The following PKNOX2 variants were observed in gnomAD, a reference collection of about 807,000 sequenced individuals.
PKNOX2 encodes PBX/knotted 1 homeobox 2, also known as homeobox protein PKNOX2.
In PKNOX2, 14 loss-of-function variants were observed where a neutral mutation model predicts 53.1. The ratio of observed to expected loss-of-function variants is 0.26; its 90% CI spans 0.17 to 0.41. The LOEUF is 0.41. PKNOX2 is among the 10% of genes least tolerant of loss of function. The pLI, the probability that PKNOX2 is intolerant of heterozygous loss-of-function variation, is 1.00. For missense variants in PKNOX2, 496 were observed against 602.8 expected (o/e 0.82, Z 1.85); for synonymous variants, 257 against 242.8 (o/e 1.06, Z -0.54).
intron 2 of PKNOX2, among the ~76,000 whole-genome samples, chr11:125,236,970 T>C (rs1942746318): frequency 6.6e-6 from 1 of 152,188 alleles, no homozygotes; most frequent in Non-Finnish European, 1.5e-5. Context: ...CTTAACATCA[T>C]TTATTCTTCA....
intron 10 of PKNOX2, among the ~76,000 whole-genome samples, chr11:125,421,004 G>A (rs1480727424): frequency 6.6e-6 from 1 of 152,088 alleles, no homozygotes; most frequent in African/African-American, 2.4e-5. Flanking sequence ...TTTTAGGACT[G>A]GCCAGGAAAA....
intron 7 of PKNOX2, among the ~76,000 whole-genome samples, chr11:125,406,166 G>C (rs1178179895): frequency 6.6e-6 from 1 of 152,234 alleles, no homozygotes; most frequent in Non-Finnish European, 1.5e-5. Context: ...AATACTGTGT[G>C]CTTAGCCAAC....
intron 3 of PKNOX2, 111 bp from the exon 4 acceptor site, chr11:125,351,173 C>G: frequency 1.4e-6 from 1 of 711,224 alleles, no homozygotes. Flanking sequence ...CAACCCTTGC[C>G]GCATCCAGCC....
At chr11:125,195,883 G>GCGCACACA in intron 1 of PKNOX2, among the ~76,000 whole-genome samples, 1 of 143,916 alleles carries the variant, frequency 6.9e-6, no homozygotes. Context: ...ATATGTACAT[G>GCGCACACA]CACACACACA....
At chr11:125,193,413 T>G (rs568514018) in intron 1 of PKNOX2, among the ~76,000 whole-genome samples, 2 of 152,124 alleles carry the variant, frequency 1.3e-5, no homozygotes, top group Non-Finnish European at 2.9e-5. Flanking sequence ...TGAGGCAAAG[T>G]TGAGGTTTTT....
At chr11:125,270,848 C>T (rs1945741125) in intron 2 of PKNOX2, among the ~76,000 whole-genome samples, 1 of 152,170 alleles carries the variant, frequency 6.6e-6, no homozygotes, top group South Asian at 2.1e-4. Context: ...GCTCTTCTCC[C>T]CTGACTCAGG....
At chr11:125,178,680 G>C (rs148027136) in intron 1 of PKNOX2, among the ~76,000 whole-genome samples, 1 of 42,152 alleles carries the variant, frequency 2.4e-5, no homozygotes. Flanking sequence ...GAAAGAAAGA[G>C]AGAGAGAGAG....
At position 125,284,413 on chromosome 11, in the gene PKNOX2, C is replaced by T. The variant is rs561686827; in HGVS notation, c.-129-47406C>T. ...TGCGCCTTTACTCCACAACAACAAC[C>T]AGGATAGATTGTGGTGCGTGTTAGC... On this transcript the variant is annotated intron_variant, in intron 2 of 12. Transcript: ENST00000298282. 2.0e-5 allele frequency among the ~76,000 whole-genome samples: 3 copies of T among 152,262 alleles called. No individual in the cohort carries two copies. In the South Asian group the frequency reaches 6.2e-4, roughly 32 times the overall value.
intron 2 of PKNOX2, among the ~76,000 whole-genome samples, chr11:125,313,531 C>G (rs1192326191): frequency 6.6e-6 from 1 of 152,198 alleles, no homozygotes; most frequent in African/African-American, 2.4e-5. Flanking sequence ...AAATGCCACT[C>G]CACTTCTTTA....
At chr11:125,423,361 C>T (rs1313443561) in intron 10 of PKNOX2, among the ~76,000 whole-genome samples, 1 of 152,124 alleles carries the variant, frequency 6.6e-6, no homozygotes, top group Non-Finnish European at 1.5e-5. Context: ...TTCTCTTCCA[C>T]ATCCTCCCTG....
At chr11:125,293,068 C>T (rs879335214) in intron 2 of PKNOX2, among the ~76,000 whole-genome samples, 2 of 152,096 alleles carry the variant, frequency 1.3e-5, no homozygotes, top group African/African-American at 4.8e-5. Flanking sequence ...GTCAAAACCA[C>T]ACATGCTTGT....
At chr11:125,254,345 C>G (rs76562423) in intron 2 of PKNOX2, among the ~76,000 whole-genome samples, 2,588 of 152,356 alleles carry the variant, frequency 0.017, 27 homozygotes, top group Middle Eastern at 0.034. Flanking sequence ...CCCAGCCCAC[C>G]TCCCTGCCAT....
chr11:125,317,315 A>T lies in PKNOX2; in HGVS notation c.-129-14504A>T, dbSNP rs544024469. Among the ~76,000 whole-genome samples, 13 of 152,344 alleles carry T rather than the reference A, an allele frequency of 8.5e-5. No homozygotes were observed. In the South Asian group the frequency reaches 1.7e-3, roughly 19 times the overall value. On this transcript the variant is annotated intron_variant, in intron 2 of 12. Transcript: ENST00000298282. ...GTTGATATTTTGACCTCCTCCCATG[A>T]ATCATGAATGCTCTTAATGGCACTA...
intron 10 of PKNOX2, among the ~76,000 whole-genome samples, chr11:125,424,315 G>A (rs1029975910): frequency 2.0e-5 from 3 of 152,096 alleles, no homozygotes; most frequent in South Asian, 4.2e-4. Flanking sequence ...GAAGTTTCTC[G>A]GGTGACTTAT....
chr11:125,218,414 G>C (rs569614513), intron 1 of PKNOX2, among the ~76,000 whole-genome samples: 20 of 150,224 alleles, frequency 1.3e-4, no homozygotes, highest in Admixed American at 2.7e-4. Context: ...TGATGGGGGG[G>C]GGACAGGAAC....
At chr11:125,397,162 G>A (rs571771930) in intron 6 of PKNOX2, among the ~76,000 whole-genome samples, 1 of 152,156 alleles carries the variant, frequency 6.6e-6, no homozygotes, top group African/African-American at 2.4e-5. Flanking sequence ...GCAGGCTCCC[G>A]TACAGCAATC....
chr11:125,264,381 T>G (rs577502153), intron 2 of PKNOX2, among the ~76,000 whole-genome samples: 1 of 152,112 alleles, frequency 6.6e-6, no homozygotes, highest in African/African-American at 2.4e-5. Flanking sequence ...GGGCCTGGGG[T>G]CCTGGGGAGT....
At chr11:125,343,480 C>T (rs895954132) in intron 3 of PKNOX2, among the ~76,000 whole-genome samples, 2 of 152,028 alleles carry the variant, frequency 1.3e-5, no homozygotes, top group African/African-American at 4.8e-5. Flanking sequence ...AGATGAGAAT[C>T]TTCATCAAAA....
intron 4 of PKNOX2, among the ~76,000 whole-genome samples, chr11:125,355,476 T>G (rs1375265503): frequency 6.6e-6 from 1 of 152,124 alleles, no homozygotes; most frequent in African/African-American, 2.4e-5. Context: ...CTTTATGCCC[T>G]GAAGAGGTAG....
Sources: gnomAD v4.1 joint callset for allele counts (sites outside exome capture counted in the v4.1 genomes callset) on GRCh38, gnomAD v4.1.1 for gene constraint, MANE v1.5 for transcripts, NCBI Gene and HGNC (gene_info 2026-07-23, HGNC 2026-07-21) for gene names.